ADI1: variants seen among roughly 807,000 people sequenced by gnomAD.
The protein encoded by ADI1 is acireductone dioxygenase 1.
ADI1 carries 21 observed loss-of-function variants against 18.7 expected under a neutral mutation model. The observed-to-expected ratio is 1.13, with a 90% confidence interval of 0.80 to 1.62. The LOEUF (loss-of-function observed/expected upper bound fraction) is 1.62, where lower values mean the gene tolerates loss of function less well. Among genes scored for constraint, ADI1 ranks in the 40% most tolerant of loss-of-function variants. ADI1 has a pLI of 0.00. For missense variants in ADI1, 245 were observed against 254.9 expected, an observed-to-expected ratio of 0.96 and a Z score of 0.26; for synonymous variants, 90 against 100.1, an observed-to-expected ratio of 0.90 and a Z score of 0.60.
chr2:3,502,945 G>C (rs1667059616), intron 2 of ADI1, among the ~76,000 whole-genome samples: 1 of 152,070 alleles, frequency 6.6e-6, no homozygotes, highest in Non-Finnish European at 1.5e-5. Context: ...TGGGAGCCAG[G>C]CCTCTCACAG....
intron 2 of ADI1, among the ~76,000 whole-genome samples, chr2:3,513,575 T>C (rs1218982476): frequency 1.3e-5 from 2 of 152,210 alleles, no homozygotes; most frequent in Admixed American, 6.5e-5. Context: ...ACTCCTGTTA[T>C]GTGAGAAGCC....
chr2:3,507,981 C>A (rs1667211441), intron 2 of ADI1, among the ~76,000 whole-genome samples: 1 of 151,156 alleles, frequency 6.6e-6, no homozygotes, highest in Non-Finnish European at 1.5e-5. Context: ...GGAGAGAAAG[C>A]AGAATCATAT....
chr2:3,501,067 C>T, intron 2 of ADI1, 74 bp from the exon 3 acceptor site: 1 of 1,402,510 alleles, frequency 7.1e-7, no homozygotes. Context: ...CACTCAGCAG[C>T]CTGAGCCTTT....
At chr2:3,507,217 T>C (rs114485972) in intron 2 of ADI1, among the ~76,000 whole-genome samples, 2,391 of 152,234 alleles carry the variant, frequency 0.016, 62 homozygotes, top group African/African-American at 0.053. Context: ...ATGTAACATA[T>C]GTATAAATGG....
In ADI1 at chr2:3,518,511, T is replaced by C. The variant is rs936856759; in HGVS notation, c.120+857A>G. 1.2e-4 allele frequency among the ~76,000 whole-genome samples: 18 copies of C among 152,202 alleles called. 1 individual carries two copies. Among genetic ancestry groups the C allele is most frequent in the African/African-American group, 4.3e-4 (18 of 41,438 alleles). ...TGCTGTGCAAGCAACGGGACACCGG[T>C]GCAAAGCCTAGCCCCGCCTTGCAAA... On this transcript the variant is annotated intron_variant, in intron 1 of 3. Coordinates refer to ENST00000327435, the MANE Select transcript of ADI1 (RefSeq NM_018269.4).
intron 1 of ADI1, chr2:3,516,339 AG>A (rs1445115287): frequency 4.6e-5 from 7 of 152,758 alleles, no homozygotes; most frequent in African/African-American, 1.7e-4. Flanking sequence ...AAAATTAGCC[AG>A]GCATGGTGGT....
chr2:3,509,167 G>C (rs1452123067), intron 2 of ADI1, among the ~76,000 whole-genome samples: 1 of 152,116 alleles, frequency 6.6e-6, no homozygotes, highest in Admixed American at 6.5e-5. Flanking sequence ...TAACAGCTGA[G>C]CATCAAAATA....
intron 2 of ADI1, among the ~76,000 whole-genome samples, chr2:3,512,191 G>C (rs547258415): frequency 6.6e-6 from 1 of 152,252 alleles, no homozygotes; most frequent in Non-Finnish European, 1.5e-5. Flanking sequence ...GTAGAGCAAC[G>C]ACTTCCTAGA....
At chr2:3,502,018 C>A (rs1235116712) in intron 2 of ADI1, among the ~76,000 whole-genome samples, 3 of 98,320 alleles carry the variant, frequency 3.1e-5, no homozygotes, top group Non-Finnish European at 5.4e-5. Flanking sequence ...CACACACACA[C>A]ACACACACAC....
chr2:3,519,329 G>A, intron 1 of ADI1, 39 bp downstream of exon 1: 1 of 1,355,038 alleles, frequency 7.4e-7, no homozygotes, highest in Non-Finnish European at 9.5e-7. Flanking sequence ...TTGGGGGTCG[G>A]CGTCGCCCGC....
In ADI1 at chr2:3,500,916, A is replaced by G. The variant is rs9950; in HGVS notation, c.318T>C (p.Asp106=). Residue 106 remains aspartate (D), a synonymous_variant, in exon 3 of 4, where the codon GAT becomes GAC. Transcript: ENST00000327435. ...RYILDGSGYF[D]VRDKEDQWIR... is the part of the protein sequence containing the mutation. ...TCCACTGGTCCTCCTTGTCCCTCAC[A>G]TCGAAGTACCCACTGCCATCCAGGA... The G allele has an allele frequency of 0.38, 619,659 of 1,613,876 alleles. 127,731 individuals are homozygous for G. The highest frequency in any genetic ancestry group is 0.82 in the African/African-American group (61,587 of 74,998).
chr2:3,512,357 C>T (rs1208360606), intron 2 of ADI1, among the ~76,000 whole-genome samples: 1 of 152,266 alleles, frequency 6.6e-6, no homozygotes, highest in Non-Finnish European at 1.5e-5. Context: ...ATTTCAGAGA[C>T]CTTTCAGCAG....
chr2:3,512,492 T>C (rs551122882), intron 2 of ADI1, among the ~76,000 whole-genome samples: 1 of 152,276 alleles, frequency 6.6e-6, no homozygotes, highest in South Asian at 2.1e-4. Flanking sequence ...CGGGTTCTGC[T>C]AGGGTTCTGG....
rs1043058211 is a variant in ADI1 at position 3,512,487 on chromosome 2, T to C, written c.240+1370A>G. On this transcript the variant is annotated intron_variant, in intron 2 of 3. Coordinates refer to ENST00000327435, the MANE Select transcript of ADI1 (RefSeq NM_018269.4). The stretch of plus-strand genomic sequence containing the variant: ...CTCCCTGCATCCCAGCTGCTCGGGT[T>C]CTGCTAGGGTTCTGGCCTCAGATCA... Among the ~76,000 whole-genome samples, 3 of 152,200 alleles carry C rather than the reference T, an allele frequency of 2.0e-5. No individual in the cohort carries two copies. In the South Asian group the frequency reaches 6.2e-4, roughly 32 times the overall value.
rs143273640 is a variant in ADI1 at position 3,518,156 on chromosome 2, T to C, written c.120+1212A>G. Among the ~76,000 whole-genome samples, 580 of 152,362 alleles carry C rather than the reference T, an allele frequency of 3.8e-3. 2 individuals carry two copies. Among genetic ancestry groups the C allele is most frequent in the African/African-American group, 0.013 (560 of 41,584 alleles). ...CCAGCAAGGTAAGTGTTAAACCTTA[T>C]CCTAGGAAAAGACAAATACTATGTA... On this transcript the variant is annotated intron_variant, in intron 1 of 3. Transcript: ENST00000327435.
At chr2:3,510,135 C>A (rs1667267570) in intron 2 of ADI1, among the ~76,000 whole-genome samples, 1 of 143,200 alleles carries the variant, frequency 7.0e-6, no homozygotes, top group Non-Finnish European at 1.5e-5. Context: ...AAGAGCGGAA[C>A]TCTGTCTCAA....
chr2:3,514,759 C>T, intron 1 of ADI1: 1 of 1,538,212 alleles, frequency 6.5e-7, no homozygotes, highest in Non-Finnish European at 8.8e-7. Flanking sequence ...GTGAATCTAG[C>T]ACACTTTATG....
chr2:3,518,992 A>G (rs1667493809), intron 1 of ADI1, among the ~76,000 whole-genome samples: 2 of 148,142 alleles, frequency 1.4e-5, no homozygotes, highest in Admixed American at 1.3e-4. Context: ...GACCCCCACC[A>G]GCCCCGCTGC....
At chr2:3,500,729 G>A (rs764416203) in intron 3 of ADI1, 85 bp downstream of exon 3, 17 of 1,579,852 alleles carry the variant, frequency 1.1e-5, no homozygotes, top group African/African-American at 6.7e-5. Context: ...TGGAGTCTGC[G>A]GAAGCCGCGC....
Sources: allele counts gnomAD v4.1 joint callset (sites outside exome capture counted in the v4.1 genomes callset), GRCh38; gene constraint gnomAD v4.1.1; transcripts MANE v1.5; gene names NCBI Gene and HGNC (gene_info 2026-07-23, HGNC 2026-07-21).